The following ZNF507 variants were observed in gnomAD, a reference collection of about 807,000 sequenced individuals.
The protein encoded by ZNF507 is zinc finger protein 507.
In ZNF507, 29 loss-of-function variants were observed where a neutral mutation model predicts 80.0. That is an observed-to-expected ratio of 0.36 (90% CI 0.27 to 0.49). The LOEUF (loss-of-function observed/expected upper bound fraction) is 0.49. Ranked by LOEUF, ZNF507 falls within the 20% of genes least tolerant of loss-of-function variation. The pLI, the probability that ZNF507 is intolerant of heterozygous loss-of-function variation, is 0.98. For missense variants in ZNF507, 1,081 were observed against 1,152.2 expected (o/e 0.94, Z 0.90); for synonymous variants, 462 against 422.5 (o/e 1.09, Z -1.15).
At chr19:32,380,176 T>G (rs1406499721) in intron 5 of ZNF507, among the ~76,000 whole-genome samples, 1 of 152,134 alleles carries the variant, frequency 6.6e-6, no homozygotes, top group Non-Finnish European at 1.5e-5. Flanking sequence ...ATAGTTGAAT[T>G]TATTAGAAGT....
intron 2 of ZNF507, 59 bp downstream of exon 2, chr19:32,347,397 C>G (rs1033461592): frequency 2.0e-5 from 3 of 152,250 alleles, no homozygotes; most frequent in African/African-American, 7.2e-5. Context: ...TAACACCCAC[C>G]TAGCCTGTCC....
intron 5 of ZNF507, among the ~76,000 whole-genome samples, chr19:32,371,639 TA>T (rs57798932): frequency 0.34 from 40,468 of 119,126 alleles, 7,483 homozygotes; most frequent in Non-Finnish European, 0.45. Context: ...TTATTATTAT[TA>T]TTATTTTTTT....
intron 5 of ZNF507, among the ~76,000 whole-genome samples, chr19:32,362,663 A>G (rs1020746980): frequency 1.3e-5 from 2 of 152,128 alleles, no homozygotes; most frequent in Admixed American, 1.3e-4. Flanking sequence ...TGTCTCAGGG[A>G]TGTTTTCTTG....
At chr19:32,356,568 T>G in intron 3 of ZNF507, 48 bp from the exon 4 acceptor site, 1 of 1,358,740 alleles carries the variant, frequency 7.4e-7, no homozygotes. Flanking sequence ...TCCTAAGAGT[T>G]GGACATGTAT....
rs1568302389 is a variant in ZNF507 at position 32,353,002 on chromosome 19, G to C, written c.172G>C (p.Glu58Gln). The change falls in exon 3 of 7, where the codon GAA becomes CAA. Residue 58 changes from glutamate (E) to glutamine (Q), a missense_variant. Physicochemically the swap from Glu to Gln is conservative, Grantham distance 29. This residue lies in a region of ZNF507 where 275 missense variants were observed against 303.9 expected (regional missense o/e 0.90). Coordinates refer to ENST00000355898, the MANE Select transcript of ZNF507 (RefSeq NM_001136156.2). ...GAAGTTAAGCAAGATAGTGGAAAATGAAAAGTCACAAAAATGTCTTTTAAT... is the reference window on the plus strand; with the variant it reads ...GAAGTTAAGCAAGATAGTGGAAAATCAAAAGTCACAAAAATGTCTTTTAAT... Reference protein sequence around the residue: ...IQKLSKIVENEKSQKCLLIGK... With the variant: ...IQKLSKIVENQKSQKCLLIGK... 1.2e-6 allele frequency: 2 copies of C among 1,613,860 alleles called. No homozygotes were observed. Among genetic ancestry groups the C allele is most frequent in the African/African-American group, 2.7e-5 (2 of 74,892 alleles).
intron 5 of ZNF507, among the ~76,000 whole-genome samples, chr19:32,367,231 G>A (rs760750443): frequency 6.6e-6 from 1 of 152,122 alleles, no homozygotes; most frequent in African/African-American, 2.4e-5. Flanking sequence ...AACAGACAGA[G>A]AACTCATTAT....
At chr19:32,349,246 A>G (rs919939552) in intron 2 of ZNF507, among the ~76,000 whole-genome samples, 1 of 152,224 alleles carries the variant, frequency 6.6e-6, no homozygotes, top group Non-Finnish European at 1.5e-5. Context: ...TCATTGGCTG[A>G]CCTCAACCAG....
Position 32,354,190 on chromosome 19 carries a change from T to C in ZNF507, c.1360T>C (p.Leu454=). 1 of 1,613,488 alleles carries C rather than the reference T, an allele frequency of 6.2e-7. No homozygotes were observed. The highest frequency in any genetic ancestry group is 8.5e-7 in the Non-Finnish European group (1 of 1,180,016). ...ADKCTVDIGG[L]IIGWSSSEKK... is the part of the protein sequence containing the mutation. ...TAAATGTACTGTTGATATTGGGGGA[T>C]TGATCATAGGCTGGAGCAGTTCAGA... is the stretch of plus-strand genomic sequence containing the variant. The change falls in exon 3 of 7, where the codon TTG becomes CTG. Residue 454 remains leucine, a synonymous_variant. Transcript: ENST00000355898.
chr19:32,380,203 T>A (rs2145344574), intron 5 of ZNF507, among the ~76,000 whole-genome samples: 1 of 152,274 alleles, frequency 6.6e-6, no homozygotes, highest in African/African-American at 2.4e-5. Context: ...AAGAATTGCC[T>A]ATTTAGGCCG....
Position 32,352,837 on chromosome 19 carries a change from G to A in ZNF507, c.7G>A (p.Glu3Lys). 6.4e-7 allele frequency: 1 copy of A among 1,568,526 alleles called. No individual in the cohort carries two copies. The highest frequency in any genetic ancestry group is 1.2e-5 in the South Asian group (1 of 83,208). MEESSSVAMLVPD... is the reference protein window; with the variant it reads MEKSSSVAMLVPD... ...TACATTATCCTTTTTAGATATGGAA[G>A]AAAGTAGCAGTGTTGCCATGTTGGT... The change falls in exon 3 of 7, where the codon GAA becomes AAA. Residue 3 changes from glutamate to lysine, a missense_variant. Coordinates refer to ENST00000355898, the MANE Select transcript of ZNF507 (RefSeq NM_001136156.2).
At chr19:32,379,567 T>C (rs1967597466) in intron 5 of ZNF507, among the ~76,000 whole-genome samples, 1 of 152,244 alleles carries the variant, frequency 6.6e-6, no homozygotes. Flanking sequence ...GACAGTGATG[T>C]GTATCATTGC....
intron 1 of ZNF507, among the ~76,000 whole-genome samples, chr19:32,346,005 T>C (rs1967092074): frequency 6.6e-6 from 1 of 152,188 alleles, no homozygotes; most frequent in African/African-American, 2.4e-5. Context: ...GGGGGGAACT[T>C]GCTGCTCCCT....
rs367787398 is a variant in ZNF507 at position 32,353,205 on chromosome 19, T to C, written c.375T>C (p.Tyr125=). Residue 125 remains tyrosine, a synonymous_variant, in exon 3 of 7, where the codon TAT becomes TAC. Coordinates refer to ENST00000355898, the MANE Select transcript of ZNF507 (RefSeq NM_001136156.2). ...AGAATGAAGGGAAGGCTATGTCTTA[T>C]CAGTGTAGCCTTTGTAAGTTTCTAT... ...LAQNEGKAMS[Y]QCSLCKFLSS... 8 of 1,614,252 alleles carry C rather than the reference T, an allele frequency of 5.0e-6. No individual in the cohort carries two copies. Among genetic ancestry groups the C allele is most frequent in the East Asian group, 4.5e-5 (2 of 44,890 alleles).
In ZNF507 at chr19:32,385,274, T is replaced by C. The variant is rs933092878; in HGVS notation, c.*2191T>C. 1 of 152,170 alleles carries C rather than the reference T, an allele frequency of 6.6e-6. No individual in the cohort carries two copies. The highest frequency in any genetic ancestry group is 1.5e-5 in the Non-Finnish European group (1 of 68,020). 9.4% of individuals were successfully genotyped at this position (152,170 alleles called of 1,614,324 possible). A position where few individuals can be genotyped will look rare whatever the true frequency, so the allele number is the denominator to read the frequency against. On this transcript the variant is annotated 3_prime_UTR_variant, in exon 7 of 7. Coordinates refer to ENST00000355898, the MANE Select transcript of ZNF507 (RefSeq NM_001136156.2). Reference sequence around the variant, plus strand: ...ATCATGGATTTAAAATTTCCCCACCTCATGGGGAAAAAACTAACCCAGAAG... The same window carrying C: ...ATCATGGATTTAAAATTTCCCCACCCCATGGGGAAAAAACTAACCCAGAAG...
chr19:32,375,179 CAG>C (rs1479894238), intron 5 of ZNF507, among the ~76,000 whole-genome samples: 3 of 152,166 alleles, frequency 2.0e-5, no homozygotes, highest in Non-Finnish European at 2.9e-5. Context: ...TTTGCCCCCT[CAG>C]AGGACATTTG....
At chr19:32,357,000 CAGCAAGCCAGAAA>C (rs1011044046) in intron 4 of ZNF507, 23 of 301,342 alleles carry the variant, frequency 7.6e-5, no homozygotes, top group African/African-American at 2.2e-4. Context: ...GGTGATGTAC[CAGCAAGCCAGAAA>C]AGCAAGCCAG....
At chr19:32,352,096 G>C (rs11671896) in intron 2 of ZNF507, among the ~76,000 whole-genome samples, 1 of 150,330 alleles carries the variant, frequency 6.7e-6, no homozygotes, top group Non-Finnish European at 1.5e-5. Flanking sequence ...CATATATGTG[G>C]ATATGAGTAA....
rs1284372294 is a variant in ZNF507 at position 32,385,746 on chromosome 19, T to TA, written c.*2664dup. Reference sequence around the variant, plus strand: ...GGGAGGATCACTTGAGCCTGGGAGATAGAGGCTTGCAGTGAGCCGTGATGG... The same window carrying TA: ...GGGAGGATCACTTGAGCCTGGGAGATAAGAGGCTTGCAGTGAGCCGTGATGG... On this transcript the variant is annotated 3_prime_UTR_variant, in exon 7 of 7. Transcript: ENST00000355898. The TA allele has an allele frequency of 3.3e-5, 5 of 152,052 alleles. No homozygotes were observed. In the East Asian group the frequency reaches 9.7e-4, roughly 29 times the overall value. The allele number at this position is 152,052 out of a possible 1,614,324, so 9.4% of individuals were successfully genotyped here.
chr19:32,350,545 C>CT (rs1185924587), intron 2 of ZNF507, among the ~76,000 whole-genome samples: 5 of 152,130 alleles, frequency 3.3e-5, no homozygotes, highest in African/African-American at 1.2e-4. Context: ...ATTTCACTTT[C>CT]TTTTTAAGGT....
Sources: allele counts gnomAD v4.1 joint callset (sites outside exome capture counted in the v4.1 genomes callset), GRCh38; gene constraint gnomAD v4.1.1; regional missense constraint gnomAD v4.1.1; transcripts MANE v1.5; gene names NCBI Gene and HGNC (gene_info 2026-07-23, HGNC 2026-07-21).